The following FBXL17 variants were observed in gnomAD, a reference collection of about 807,000 sequenced individuals.
FBXL17 encodes the protein F-box/LRR-repeat protein 17.
In FBXL17, 22 loss-of-function variants were observed where a neutral mutation model predicts 66.2. The ratio of observed to expected loss-of-function variants is 0.33; its 90% CI spans 0.24 to 0.47. The LOEUF (loss-of-function observed/expected upper bound fraction) is 0.47, where lower values mean the gene tolerates loss of function less well. Ranked by LOEUF, FBXL17 falls within the 20% of genes least tolerant of loss-of-function variation. The pLI, the probability that FBXL17 is intolerant of heterozygous loss-of-function variation, is 1.00. For synonymous variants in FBXL17, 474 were observed against 400.5 expected (o/e 1.18, Z -2.19); for missense variants, 878 against 948.2 (o/e 0.93, Z 0.97).
intron 7 of FBXL17, among the ~76,000 whole-genome samples, chr5:107,963,351 G>C (rs1751992157): frequency 6.6e-6 from 1 of 151,914 alleles, no homozygotes; most frequent in African/African-American, 2.4e-5. Flanking sequence ...ACAAAACTCT[G>C]TGTGTGTGTA....
At chr5:108,361,533 T>C (rs1483758270) in intron 3 of FBXL17, among the ~76,000 whole-genome samples, 1 of 152,096 alleles carries the variant, frequency 6.6e-6, no homozygotes, top group Non-Finnish European at 1.5e-5. Flanking sequence ...GCCCTGGGCA[T>C]GCATGCGGCT....
At chr5:108,127,515 C>T (rs1438418894) in intron 6 of FBXL17, among the ~76,000 whole-genome samples, 2 of 151,942 alleles carry the variant, frequency 1.3e-5, no homozygotes, top group African/African-American at 4.8e-5. Context: ...CAAAGATTAT[C>T]GACACATAAT....
intron 4 of FBXL17, among the ~76,000 whole-genome samples, chr5:108,309,142 T>C (rs1046247991): frequency 6.6e-6 from 1 of 152,066 alleles, no homozygotes; most frequent in Non-Finnish European, 1.5e-5. Context: ...ATCAATACAA[T>C]GGAAGACCAA....
intron 6 of FBXL17, among the ~76,000 whole-genome samples, chr5:108,141,611 A>T (rs560632033): frequency 6.6e-6 from 1 of 152,300 alleles, no homozygotes; most frequent in South Asian, 2.1e-4. Flanking sequence ...CTAAAAACAG[A>T]TCTGGGCAGG....
At chr5:108,298,091 C>T (rs1758422516) in intron 4 of FBXL17, 2 of 967,076 alleles carry the variant, frequency 2.1e-6, no homozygotes, top group Admixed American at 6.2e-5. Flanking sequence ...CCATGTAGGG[C>T]TTATATTATA....
intron 6 of FBXL17, among the ~76,000 whole-genome samples, chr5:108,152,076 T>A (rs1751793686): frequency 6.6e-6 from 1 of 152,140 alleles, no homozygotes; most frequent in South Asian, 2.1e-4. Context: ...CATAGGTGAC[T>A]TAGACATAAA....
chr5:107,932,149 C>T (rs191540264), intron 7 of FBXL17, among the ~76,000 whole-genome samples: 42 of 152,276 alleles, frequency 2.8e-4, no homozygotes, highest in South Asian at 1.5e-3. Context: ...TTTTGTCTAG[C>T]TCATTTTAAT....
intron 6 of FBXL17, among the ~76,000 whole-genome samples, chr5:108,093,555 T>C (rs1214414701): frequency 6.6e-6 from 1 of 152,196 alleles, no homozygotes; most frequent in Non-Finnish European, 1.5e-5. Context: ...AGATATTCCC[T>C]AAGGGTCACC....
intron 8 of FBXL17, among the ~76,000 whole-genome samples, chr5:107,873,198 G>C (rs973439809): frequency 2.0e-5 from 3 of 152,228 alleles, no homozygotes; most frequent in African/African-American, 7.2e-5. Context: ...TCAAAGTGAG[G>C]CTCTTTGTTC....
At chr5:107,877,651 A>ATC (rs1748653331) in intron 8 of FBXL17, among the ~76,000 whole-genome samples, 1 of 152,056 alleles carries the variant, frequency 6.6e-6, no homozygotes, top group African/African-American at 2.4e-5. Context: ...CACAAACCAC[A>ATC]TCTCTCTCTA....
At chr5:108,272,305 A>C (rs994126466) in intron 4 of FBXL17, among the ~76,000 whole-genome samples, 3 of 151,936 alleles carry the variant, frequency 2.0e-5, no homozygotes, top group Non-Finnish European at 4.4e-5. Context: ...AAATAAATAA[A>C]TAAATAAAAA....
At chr5:108,159,573 G>C (rs34426) in intron 6 of FBXL17, among the ~76,000 whole-genome samples, 118,713 of 152,080 alleles carry the variant, frequency 0.78, 47,129 homozygotes, top group East Asian at 0.93. Flanking sequence ...ATCCATGAAC[G>C]AGGAAGTGGG....
chr5:107,918,266 T>C (rs893712273), intron 7 of FBXL17, among the ~76,000 whole-genome samples: 5 of 152,138 alleles, frequency 3.3e-5, no homozygotes, highest in Non-Finnish European at 7.4e-5. Flanking sequence ...AAACCAGAAG[T>C]GATTCAGAGT....
intron 4 of FBXL17, among the ~76,000 whole-genome samples, chr5:108,225,315 G>C (rs1755054931): frequency 6.6e-6 from 1 of 152,090 alleles, no homozygotes; most frequent in South Asian, 2.1e-4. Context: ...GTTGAATTAT[G>C]TCTCCTTAAG....
intron 7 of FBXL17, among the ~76,000 whole-genome samples, chr5:107,993,373 T>G (rs1307849912): frequency 6.6e-6 from 1 of 152,194 alleles, no homozygotes; most frequent in Non-Finnish European, 1.5e-5. Context: ...AATTTGTGAG[T>G]CTATTAAACA....
intron 7 of FBXL17, among the ~76,000 whole-genome samples, chr5:107,927,540 A>G (rs1204838967): frequency 6.6e-6 from 1 of 152,130 alleles, no homozygotes; most frequent in Admixed American, 6.6e-5. Context: ...ACCAAAACAT[A>G]TAGAAAATAA....
intron 7 of FBXL17, among the ~76,000 whole-genome samples, chr5:107,946,178 T>C (rs982093960): frequency 8.2e-5 from 12 of 146,720 alleles, no homozygotes; most frequent in African/African-American, 3.0e-4. Flanking sequence ...CCCAGACATA[T>C]GAGTGTAATT....
At chr5:107,931,178 C>G (rs1399449193) in intron 7 of FBXL17, among the ~76,000 whole-genome samples, 2 of 151,908 alleles carry the variant, frequency 1.3e-5, no homozygotes, top group African/African-American at 4.8e-5. Flanking sequence ...ACTAGATTGA[C>G]TTGATGTTGC....
chr5:108,354,221 G>A (rs1747816974), intron 3 of FBXL17, among the ~76,000 whole-genome samples: 1 of 152,102 alleles, frequency 6.6e-6, no homozygotes, highest in Admixed American at 6.6e-5. Context: ...TCAGGAGACT[G>A]AAAAAAGCAT....
Sources: gnomAD v4.1 joint callset for allele counts (sites outside exome capture counted in the v4.1 genomes callset) on GRCh38, gnomAD v4.1.1 for gene constraint, MANE v1.5 for transcripts, NCBI Gene and HGNC (gene_info 2026-07-23, HGNC 2026-07-21) for gene names.